The following LEPR variants were observed in gnomAD, a reference collection of about 807,000 sequenced individuals.
LEPR encodes the protein OB receptor.
A neutral mutation model predicts 114.7 loss-of-function variants in LEPR; 56 were observed. That is an observed-to-expected ratio of 0.49 (90% CI 0.39 to 0.61). The LOEUF (loss-of-function observed/expected upper bound fraction) is 0.61, where lower values mean the gene tolerates loss of function less well. Among genes scored for constraint, LEPR ranks in the 20% least tolerant of loss-of-function variants. The probability of loss-of-function intolerance (pLI) is 0.00; values close to 1 mark genes in which losing one functional copy is unlikely to be tolerated. For missense variants in LEPR, 1,202 were observed against 1,352.9 expected (o/e 0.89, Z 1.75); for synonymous variants, 443 against 461.4 (o/e 0.96, Z 0.51).
intron 2 of LEPR, among the ~76,000 whole-genome samples, chr1:65,501,488 G>A (rs960600438): frequency 5.3e-5 from 8 of 151,112 alleles, no homozygotes; most frequent in African/African-American, 1.9e-4. Flanking sequence ...TAAGGACACT[G>A]GTCATATTGG....
intron 2 of LEPR, chr1:65,525,760 C>T (rs1028465500): frequency 1.0e-6 from 1 of 986,174 alleles, no homozygotes; most frequent in African/African-American, 1.7e-5. Context: ...GACGCAGGTG[C>T]CCGAGCCCCG....
intron 2 of LEPR, among the ~76,000 whole-genome samples, chr1:65,491,297 G>T (rs554304594): frequency 1.3e-5 from 2 of 152,082 alleles, no homozygotes; most frequent in Admixed American, 6.6e-5. Context: ...AGTTATTTTC[G>T]TATGTACACA....
At chr1:65,511,319 A>G (rs1001647821) in intron 2 of LEPR, among the ~76,000 whole-genome samples, 3 of 152,140 alleles carry the variant, frequency 2.0e-5, no homozygotes, top group Non-Finnish European at 4.4e-5. Context: ...GAAGAGTCTC[A>G]GACCCCAATC....
At chr1:65,450,060 G>T (rs1039498586) in intron 2 of LEPR, among the ~76,000 whole-genome samples, 9 of 152,112 alleles carry the variant, frequency 5.9e-5, no homozygotes, top group African/African-American at 9.7e-5. Flanking sequence ...TTTTGGAATT[G>T]TCCGGTTGTG....
At chr1:65,513,774 C>T (rs1359757) in intron 2 of LEPR, among the ~76,000 whole-genome samples, 107,487 of 151,556 alleles carry the variant, frequency 0.71, 39,181 homozygotes, top group Middle Eastern at 0.87. Flanking sequence ...TCTGAAATAG[C>T]TTTATTCTGG....
At chr1:65,478,203 G>C (rs891139598) in intron 2 of LEPR, among the ~76,000 whole-genome samples, 2 of 152,186 alleles carry the variant, frequency 1.3e-5, no homozygotes, top group African/African-American at 4.8e-5. Flanking sequence ...ACCCAGGCTA[G>C]GATTTGGGAG....
chr1:65,548,581 T>C (rs1651984161), intron 2 of LEPR, among the ~76,000 whole-genome samples: 1 of 152,192 alleles, frequency 6.6e-6, no homozygotes, highest in South Asian at 2.1e-4. Flanking sequence ...TTTGTCTCTT[T>C]TGATCTTTGT....
At chr1:65,592,632 A>C in intron 5 of LEPR, 25 bp from the exon 6 acceptor site, 2 of 1,609,746 alleles carry the variant, frequency 1.2e-6, no homozygotes, top group Non-Finnish European at 1.7e-6. Flanking sequence ...CTGTTTTAAT[A>C]TTTAGCTCTT....
intron 2 of LEPR, among the ~76,000 whole-genome samples, chr1:65,471,629 GACAA>G (rs1557610723): frequency 6.6e-6 from 1 of 152,126 alleles, no homozygotes; most frequent in Non-Finnish European, 1.5e-5. Flanking sequence ...ATCTTTGATG[GACAA>G]ACAGAGAATC....
intron 2 of LEPR, among the ~76,000 whole-genome samples, chr1:65,427,205 C>A (rs9436299): frequency 0.69 from 105,410 of 152,060 alleles, 37,629 homozygotes; most frequent in African/African-American, 0.82. Context: ...GAATGTAATA[C>A]GGTATTATTA....
chr1:65,460,611 G>A (rs751133122), intron 2 of LEPR, among the ~76,000 whole-genome samples: 2 of 152,086 alleles, frequency 1.3e-5, no homozygotes, highest in Non-Finnish European at 2.9e-5. Flanking sequence ...GGGGCCATGC[G>A]CGATGGCTCA....
chr1:65,635,914 GA>G (rs1391776159), intron 19 of LEPR, among the ~76,000 whole-genome samples: 2 of 152,282 alleles, frequency 1.3e-5, no homozygotes, highest in South Asian at 2.1e-4. Context: ...TAGAGATGAT[GA>G]AATTGAAAGG....
At chr1:65,554,650 G>A (rs963796052) in intron 2 of LEPR, among the ~76,000 whole-genome samples, 4 of 152,164 alleles carry the variant, frequency 2.6e-5, no homozygotes, top group Admixed American at 2.0e-4. Flanking sequence ...TGGGCTCCAT[G>A]GGGGTGGTAT....
At chr1:65,593,259 GAGTGGGAC>G (rs1213144853) in intron 6 of LEPR, among the ~76,000 whole-genome samples, 1 of 152,030 alleles carries the variant, frequency 6.6e-6, no homozygotes, top group East Asian at 1.9e-4. Flanking sequence ...GCTGGAAAAA[GAGTGGGAC>G]ATTAGACATA....
At chr1:65,600,625 A>C (rs568528026) in intron 8 of LEPR, among the ~76,000 whole-genome samples, 1 of 152,104 alleles carries the variant, frequency 6.6e-6, no homozygotes, top group African/African-American at 2.4e-5. Flanking sequence ...CTTCCTATGT[A>C]AACCATCATT....
At chr1:65,624,767 C>T (rs1658099809) in intron 19 of LEPR, among the ~76,000 whole-genome samples, 1 of 152,192 alleles carries the variant, frequency 6.6e-6, no homozygotes, top group Non-Finnish European at 1.5e-5. Flanking sequence ...GTTAGAAAAA[C>T]ACTGTTCTAC....
At chr1:65,609,570 C>T (rs547265618) in intron 12 of LEPR, among the ~76,000 whole-genome samples, 5 of 152,258 alleles carry the variant, frequency 3.3e-5, no homozygotes, top group African/African-American at 1.2e-4. Context: ...TGAATATCAG[C>T]GATTTGCTAC....
chr1:65,538,873 G>A (rs932453371), intron 2 of LEPR, among the ~76,000 whole-genome samples: 1 of 151,644 alleles, frequency 6.6e-6, no homozygotes, highest in African/African-American at 2.4e-5. Flanking sequence ...TGGGAAATGT[G>A]CCTTTTATCT....
intron 2 of LEPR, among the ~76,000 whole-genome samples, chr1:65,555,153 A>G (rs1652726654): frequency 6.6e-6 from 1 of 152,096 alleles, no homozygotes; most frequent in Non-Finnish European, 1.5e-5. Context: ...AGCTGTTCCT[A>G]TTCAGCCATC....
Sources: allele counts gnomAD v4.1 joint callset (sites outside exome capture counted in the v4.1 genomes callset), GRCh38; gene constraint gnomAD v4.1.1; transcripts MANE v1.5; gene names NCBI Gene and HGNC (gene_info 2026-07-23, HGNC 2026-07-21).